Variants in DGKI observed in about 807,000 individuals in gnomAD.
The protein encoded by DGKI is diacylglycerol kinase iota, also known as DAG kinase iota.
In DGKI, 55 loss-of-function variants were observed where a neutral mutation model predicts 147.5. The observed-to-expected ratio is 0.37, with a 90% CI of 0.30 to 0.47. The LOEUF is 0.47. Ranked by LOEUF, DGKI falls within the 20% of genes least tolerant of loss-of-function variation. DGKI has a pLI of 1.00. For synonymous variants in DGKI, 469 were observed against 477.1 expected, an observed-to-expected ratio of 0.98 and a Z score of 0.22; for missense variants, 1,007 against 1,323.8, an observed-to-expected ratio of 0.76 and a Z score of 3.71.
intron 1 of DGKI, among the ~76,000 whole-genome samples, chr7:137,830,003 C>T (rs1798172011): frequency 6.6e-6 from 1 of 151,966 alleles, no homozygotes; most frequent in Admixed American, 6.6e-5. Flanking sequence ...GAAGGAGGGA[C>T]AGATGGATGG....
chr7:137,503,152 G>A (rs1328804903), intron 21 of DGKI, among the ~76,000 whole-genome samples: 1 of 152,088 alleles, frequency 6.6e-6, no homozygotes, highest in African/African-American at 2.4e-5. Context: ...CATGACTCAA[G>A]CTTATCAAAA....
chr7:137,617,148 A>T (rs1820562152), intron 8 of DGKI, among the ~76,000 whole-genome samples: 1 of 149,948 alleles, frequency 6.7e-6, no homozygotes, highest in South Asian at 2.1e-4. Flanking sequence ...AAAAAAAAAA[A>T]AAAAATTAAA....
At chr7:137,427,961 C>T (rs927308623) in intron 28 of DGKI, among the ~76,000 whole-genome samples, 39 of 150,942 alleles carry the variant, frequency 2.6e-4, no homozygotes, top group African/African-American at 9.3e-4. Flanking sequence ...CAGCCGAATT[C>T]TACCAGAGGT....
At chr7:137,549,207 A>G (rs1817965059) in intron 20 of DGKI, among the ~76,000 whole-genome samples, 1 of 152,178 alleles carries the variant, frequency 6.6e-6, no homozygotes, top group Admixed American at 6.5e-5. Context: ...TCTAGCATGT[A>G]GTTTGAGGTT....
Position 137,632,741 on chromosome 7 carries a change from CCCAG to C in DGKI, c.805-9191_805-9188del, listed in dbSNP as rs1338702815. Among the ~76,000 whole-genome samples, 3 of 152,104 alleles carry C rather than the reference CCCAG, an allele frequency of 2.0e-5. No homozygotes were observed. In the East Asian group the frequency reaches 5.8e-4, roughly 29 times the overall value. On this transcript the variant is annotated intron_variant, in intron 6 of 32. Coordinates refer to ENST00000614521, the MANE Select transcript of DGKI (RefSeq NM_001321708.2). ...GGGCGTGGTGGCACACGCCTGTAGTCCCAGCTACTCAGGAGGCTGAGGCAGGAGA... is the reference window on the plus strand; with the variant it reads ...GGGCGTGGTGGCACACGCCTGTAGTCCTACTCAGGAGGCTGAGGCAGGAGA...
intron 13 of DGKI, among the ~76,000 whole-genome samples, chr7:137,585,781 A>T (rs1326068636): frequency 6.6e-6 from 1 of 152,154 alleles, no homozygotes; most frequent in Admixed American, 6.5e-5. Context: ...ACTCCCTCTC[A>T]ATCACCTCTC....
At position 137,385,873 on chromosome 7, in the gene DGKI, T is replaced by C. The variant is rs1043041205; in HGVS notation, c.*5347A>G. On this transcript the variant is annotated 3_prime_UTR_variant, in exon 33 of 33. Transcript: ENST00000614521. The stretch of plus-strand genomic sequence containing the variant: ...ACCCTGGGGTTCTCCTGCACTGCAC[T>C]TATCACATTGGAATTTGTCTTTTCT... The C allele has an allele frequency of 1.3e-5, 2 of 152,144 alleles. No individual in the cohort carries two copies. Among genetic ancestry groups the C allele is most frequent in the African/African-American group, 2.4e-5 (1 of 41,448 alleles). The allele number at this position is 152,144 out of a possible 1,614,324, so 9.4% of individuals were successfully genotyped here. A position where few individuals can be genotyped will look rare whatever the true frequency, so the allele number is the denominator to read the frequency against.
intron 26 of DGKI, among the ~76,000 whole-genome samples, chr7:137,465,546 C>T (rs1231082659): frequency 1.3e-5 from 2 of 152,126 alleles, no homozygotes; most frequent in Admixed American, 1.3e-4. Context: ...CTCCAGCAGC[C>T]TGGAAATAGC....
At chr7:137,531,132 G>A (rs2128956835) in intron 20 of DGKI, among the ~76,000 whole-genome samples, 1 of 152,250 alleles carries the variant, frequency 6.6e-6, no homozygotes, top group Admixed American at 6.5e-5. Flanking sequence ...CAAAGGAGAA[G>A]TAAGTACCAC....
chr7:137,521,474 T>C (rs889133263), intron 21 of DGKI, among the ~76,000 whole-genome samples: 9 of 152,076 alleles, frequency 5.9e-5, no homozygotes, highest in African/African-American at 2.2e-4. Context: ...CACATCTCTG[T>C]GACGAATGAG....
rs373482778 is a variant in DGKI at position 137,544,600 on chromosome 7, C to A, written c.2147+7769G>T. Among the ~76,000 whole-genome samples, 23 of 152,098 alleles carry A rather than the reference C, an allele frequency of 1.5e-4. No individual in the cohort carries two copies. The South Asian group carries it at 4.6e-3, about 30-fold the overall frequency. On this transcript the variant is annotated intron_variant, in intron 20 of 32. Coordinates refer to ENST00000614521, the MANE Select transcript of DGKI (RefSeq NM_001321708.2). Reference sequence around the variant, plus strand: ...TGAGAGTTGAAAGTAGATTATATAACTGAACTTTAGGAATTGCTTTGTCAT... The same window carrying A: ...TGAGAGTTGAAAGTAGATTATATAAATGAACTTTAGGAATTGCTTTGTCAT...
intron 3 of DGKI, among the ~76,000 whole-genome samples, chr7:137,657,466 G>A (rs1442451549): frequency 6.6e-6 from 1 of 152,186 alleles, no homozygotes; most frequent in Non-Finnish European, 1.5e-5. Context: ...GGACTGCATG[G>A]AGAGAGATGA....
intron 27 of DGKI, among the ~76,000 whole-genome samples, chr7:137,454,338 TCA>T (rs764765213): frequency 3.3e-5 from 5 of 152,230 alleles, no homozygotes; most frequent in African/African-American, 9.6e-5. Context: ...TATACCCTCC[TCA>T]GTTTGCTGAG....
intron 1 of DGKI, among the ~76,000 whole-genome samples, chr7:137,720,127 A>G (rs1585406622): frequency 6.6e-6 from 1 of 152,118 alleles, no homozygotes; most frequent in Non-Finnish European, 1.5e-5. Context: ...TTTAAGTTAC[A>G]CTAGAGCTGT....
chr7:137,834,277 C>A (rs1273103927), intron 1 of DGKI, among the ~76,000 whole-genome samples: 1 of 152,158 alleles, frequency 6.6e-6, no homozygotes, highest in African/African-American at 2.4e-5. Flanking sequence ...TCCTCCCCAG[C>A]CTTTCTTGTC....
intron 26 of DGKI, among the ~76,000 whole-genome samples, chr7:137,464,343 C>G (rs901144430): frequency 2.0e-5 from 3 of 151,882 alleles, no homozygotes; most frequent in Non-Finnish European, 2.9e-5. Context: ...TGGACTTTCT[C>G]CTTACTAGAT....
intron 1 of DGKI, among the ~76,000 whole-genome samples, chr7:137,759,516 AT>A (rs893840836): frequency 6.6e-6 from 1 of 151,522 alleles, no homozygotes; most frequent in Non-Finnish European, 1.5e-5. Flanking sequence ...TAATTTTTGT[AT>A]TTTTAGTAGA....
chr7:137,769,303 A>T (rs60594385), intron 1 of DGKI, among the ~76,000 whole-genome samples: 8,537 of 152,294 alleles, frequency 0.056, 576 homozygotes, highest in African/African-American at 0.17. Context: ...GTCCCTGAAA[A>T]TTTGGAACTA....
At chr7:137,825,349 G>A (rs1798023486) in intron 1 of DGKI, among the ~76,000 whole-genome samples, 1 of 152,088 alleles carries the variant, frequency 6.6e-6, no homozygotes, top group African/African-American at 2.4e-5. Flanking sequence ...AGTTTGTAAT[G>A]TCTTCACGTT....
Sources: allele counts gnomAD v4.1 joint callset (sites outside exome capture counted in the v4.1 genomes callset), GRCh38; gene constraint gnomAD v4.1.1; transcripts MANE v1.5; gene names NCBI Gene and HGNC (gene_info 2026-07-23, HGNC 2026-07-21).